Variants in SHOC2 observed in about 807,000 individuals in gnomAD.
SHOC2 encodes leucine-rich repeat protein SHOC-2.
Under a neutral mutation model 50.2 loss-of-function variants are expected in SHOC2, and 4 were observed. That is an observed-to-expected ratio of 0.08 (90% CI 0.04 to 0.18). The LOEUF is 0.18. Among genes scored for constraint, SHOC2 ranks in the 10% least tolerant of loss-of-function variants. The pLI, the probability that SHOC2 is intolerant of heterozygous loss-of-function variation, is 1.00. For missense variants in SHOC2, 388 were observed against 669.6 expected, an observed-to-expected ratio of 0.58 and a Z score of 4.64; for synonymous variants, 218 against 244.5, an observed-to-expected ratio of 0.89 and a Z score of 1.01.
intron 1 of SHOC2, among the ~76,000 whole-genome samples, chr10:110,962,559 T>TA (rs1402926075): frequency 1.3e-5 from 2 of 152,194 alleles, no homozygotes; most frequent in Non-Finnish European, 2.9e-5. Context: ...TAGAATCTTA[T>TA]ATACCAGTAA....
At chr10:110,996,366 A>G (rs1021368839) in intron 3 of SHOC2, among the ~76,000 whole-genome samples, 2 of 152,078 alleles carry the variant, frequency 1.3e-5, no homozygotes, top group Non-Finnish European at 2.9e-5. Context: ...TATCTCTACA[A>G]AAATACAAAA....
rs1404775726 is a variant in SHOC2, at chr10:110,985,637, G to A, written c.713G>A (p.Cys238Tyr). Residue 238 changes from cysteine (C) to tyrosine (Y), a missense_variant, in exon 3 of 9, where the codon TGT (cysteine) becomes TAT (tyrosine). Cys to Tyr is a radical substitution (Grantham distance 194). Coordinates refer to ENST00000369452, the MANE Select transcript of SHOC2 (RefSeq NM_007373.4). Reference protein sequence around the residue: ...KQLPAEIGELCNLITLDVAHN... With the variant: ...KQLPAEIGELYNLITLDVAHN... ...GTTGGTCAATTTACAGGTGAATTAT[G>A]TAACCTCATTACGCTGGATGTAGCT... 45 of 1,609,938 alleles carry A rather than the reference G, an allele frequency of 2.8e-5. No homozygotes were observed. Among genetic ancestry groups the A allele is most frequent in the Non-Finnish European group, 3.7e-5 (44 of 1,177,540 alleles).
intron 1 of SHOC2, among the ~76,000 whole-genome samples, chr10:110,929,955 AAG>A (rs1216168871): frequency 1.3e-5 from 2 of 152,224 alleles, no homozygotes; most frequent in Admixed American, 1.3e-4. Context: ...TAAAACATAT[AAG>A]AGCTGCCTTT....
intron 3 of SHOC2, among the ~76,000 whole-genome samples, chr10:110,994,594 C>T (rs1264730729): frequency 6.6e-6 from 1 of 152,090 alleles, no homozygotes; most frequent in Non-Finnish European, 1.5e-5. Context: ...TGTGTTTACT[C>T]AGCATAAAAA....
intron 3 of SHOC2, among the ~76,000 whole-genome samples, chr10:110,999,736 C>CAAAAAAAAAAAA (rs145780250): frequency 2.4e-4 from 20 of 81,638 alleles, no homozygotes; most frequent in South Asian, 4.3e-4. Context: ...GACTCAGTCT[C>CAAAAAAAAAAAA]AAAAAAAAAA....
chr10:110,977,263 T>G (rs1188085773), intron 2 of SHOC2, among the ~76,000 whole-genome samples: 1 of 152,234 alleles, frequency 6.6e-6, no homozygotes, highest in Non-Finnish European at 1.5e-5. Context: ...CTGGTAATTT[T>G]TTTTTGAGAC....
intron 2 of SHOC2, among the ~76,000 whole-genome samples, chr10:110,974,574 T>C (rs1342093840): frequency 1.3e-5 from 2 of 152,156 alleles, no homozygotes; most frequent in Non-Finnish European, 2.9e-5. Context: ...GTTCCTTTTT[T>C]CCCTTCCTCT....
At chr10:110,967,660 T>C (rs1281197543) in intron 2 of SHOC2, among the ~76,000 whole-genome samples, 1 of 152,160 alleles carries the variant, frequency 6.6e-6, no homozygotes, top group African/African-American at 2.4e-5. Flanking sequence ...CAAACACTAA[T>C]CTACTTTCTG....
At chr10:110,997,625 A>G (rs911526134) in intron 3 of SHOC2, among the ~76,000 whole-genome samples, 1 of 152,196 alleles carries the variant, frequency 6.6e-6, no homozygotes, top group African/African-American at 2.4e-5. Flanking sequence ...TGCAGAATAT[A>G]GACATACTAC....
chr10:110,991,712 G>T (rs1305491666), intron 3 of SHOC2, among the ~76,000 whole-genome samples: 2 of 152,122 alleles, frequency 1.3e-5, no homozygotes, highest in African/African-American at 2.4e-5. Context: ...AAACTTTGAC[G>T]TTTGGGTCTT....
intron 2 of SHOC2, among the ~76,000 whole-genome samples, chr10:110,977,333 T>A (rs2134137494): frequency 6.6e-6 from 1 of 151,974 alleles, no homozygotes; most frequent in Admixed American, 6.6e-5. Flanking sequence ...CCCACCGCAG[T>A]CTCTGCCTTC....
intron 1 of SHOC2, among the ~76,000 whole-genome samples, chr10:110,932,120 C>T (rs1846907261): frequency 6.6e-6 from 1 of 152,110 alleles, no homozygotes; most frequent in Non-Finnish European, 1.5e-5. Flanking sequence ...GTGTTTCTGG[C>T]AGAAGAATAT....
chr10:110,992,731 T>C (rs1369386171), intron 3 of SHOC2, among the ~76,000 whole-genome samples: 2 of 152,214 alleles, frequency 1.3e-5, no homozygotes, highest in Non-Finnish European at 2.9e-5. Flanking sequence ...CAGTGCAGCG[T>C]ATGTATAACA....
intron 2 of SHOC2, among the ~76,000 whole-genome samples, chr10:110,980,152 C>T (rs531076363): frequency 6.7e-6 from 1 of 150,342 alleles, no homozygotes; most frequent in African/African-American, 2.4e-5. Flanking sequence ...TACCCCATTC[C>T]TGTCACTTTT....
At position 111,012,706 on chromosome 10, in the gene SHOC2, A is replaced by G. The variant is rs1775242418; in HGVS notation, c.*888A>G. On this transcript the variant is annotated 3_prime_UTR_variant, in exon 9 of 9. Coordinates refer to ENST00000369452, the MANE Select transcript of SHOC2 (RefSeq NM_007373.4). ...ACATATAAACACACACAATCTATAT[A>G]TGTATATACAATGCTATATAGATAT... 1 of 152,260 alleles carries G rather than the reference A, an allele frequency of 6.6e-6. No homozygotes were observed. Among genetic ancestry groups the G allele is most frequent in the Admixed American group, 6.5e-5 (1 of 15,278 alleles). 9.4% of individuals were successfully genotyped at this position (152,260 alleles called of 1,614,324 possible).
intron 2 of SHOC2, among the ~76,000 whole-genome samples, chr10:110,978,473 A>T (rs1847915689): frequency 6.6e-6 from 1 of 152,322 alleles, no homozygotes; most frequent in South Asian, 2.1e-4. Flanking sequence ...CCTTAAACCT[A>T]GGGTAAATTC....
intron 3 of SHOC2, among the ~76,000 whole-genome samples, chr10:110,992,684 A>G (rs187217877): frequency 6.6e-6 from 1 of 152,282 alleles, no homozygotes; most frequent in Admixed American, 6.5e-5. Flanking sequence ...AACAAGTAGC[A>G]TTTTAGTCAT....
chr10:110,955,715 T>G (rs914274267), intron 1 of SHOC2, among the ~76,000 whole-genome samples: 8 of 152,276 alleles, frequency 5.3e-5, no homozygotes, highest in Non-Finnish European at 1.0e-4. Flanking sequence ...CTCTGTTTTC[T>G]ATAATTTTTG....
chr10:110,949,838 A>G (rs1348288088), intron 1 of SHOC2, among the ~76,000 whole-genome samples: 1 of 152,208 alleles, frequency 6.6e-6, no homozygotes, highest in Non-Finnish European at 1.5e-5. Flanking sequence ...AAATTGTGTG[A>G]TCTCTCAATA....
Sources: gnomAD v4.1 joint callset for allele counts (sites outside exome capture counted in the v4.1 genomes callset) on GRCh38, gnomAD v4.1.1 for gene constraint, MANE v1.5 for transcripts, NCBI Gene and HGNC (gene_info 2026-07-23, HGNC 2026-07-21) for gene names.